Variants in ERC1 observed in about 807,000 individuals in gnomAD.
The protein encoded by ERC1 is RAB6 interacting protein 2.
A neutral mutation model predicts 132.0 loss-of-function variants in ERC1; 56 were observed. The ratio of observed to expected loss-of-function variants is 0.42; its 90% CI spans 0.34 to 0.53. The LOEUF (loss-of-function observed/expected upper bound fraction) is 0.53, where lower values mean the gene tolerates loss of function less well. ERC1 is among the 20% of genes least tolerant of loss of function. ERC1 has a pLI of 0.03. For synonymous variants in ERC1, 478 were observed against 476.1 expected (o/e 1.00, Z -0.05); for missense variants, 1,202 against 1,349.9 (o/e 0.89, Z 1.72).
At chr12:1,344,893 A>G (rs547840371) in intron 15 of ERC1, among the ~76,000 whole-genome samples, 1 of 152,324 alleles carries the variant, frequency 6.6e-6, no homozygotes, top group Admixed American at 6.5e-5. Flanking sequence ...TCCAGAACAC[A>G]TGCTTTTTCT....
intron 8 of ERC1, among the ~76,000 whole-genome samples, chr12:1,162,911 T>C (rs1407842922): frequency 6.6e-6 from 1 of 152,204 alleles, no homozygotes; most frequent in African/African-American, 2.4e-5. Flanking sequence ...CCTTTACTTA[T>C]AATTGTCTAA....
At chr12:1,179,500 CTTTTT>C (rs58317880) in intron 8 of ERC1, among the ~76,000 whole-genome samples, 1,922 of 95,600 alleles carry the variant, frequency 0.02, 8 homozygotes, top group African/African-American at 0.046. Context: ...ATTCATTTTT[CTTTTT>C]TTTTTTTTTT....
At chr12:1,450,026 G>A (rs2093390645) in intron 18 of ERC1, among the ~76,000 whole-genome samples, 1 of 152,122 alleles carries the variant, frequency 6.6e-6, no homozygotes, top group South Asian at 2.1e-4. Flanking sequence ...ATTGGAATCT[G>A]CCAATAGTAT....
chr12:1,116,253 C>A, intron 7 of ERC1: 1 of 404,780 alleles, frequency 2.5e-6, no homozygotes. Context: ...GTTTTTAATT[C>A]TTTAAACTTT....
chr12:1,286,416 A>G (rs2079050068), intron 14 of ERC1, among the ~76,000 whole-genome samples: 1 of 152,208 alleles, frequency 6.6e-6, no homozygotes, highest in Non-Finnish European at 1.5e-5. Flanking sequence ...TAATTTTCAA[A>G]AATTCTTAAC....
intron 12 of ERC1, among the ~76,000 whole-genome samples, chr12:1,220,970 G>A (rs1163760662): frequency 3.3e-5 from 5 of 152,184 alleles, no homozygotes; most frequent in Non-Finnish European, 7.3e-5. Flanking sequence ...TGCCTTTGCA[G>A]TGGAGCCTTT....
chr12:1,258,712 T>A (rs2076960787), intron 13 of ERC1, among the ~76,000 whole-genome samples: 1 of 151,850 alleles, frequency 6.6e-6, no homozygotes, highest in South Asian at 2.1e-4. Flanking sequence ...TTAAAAAATG[T>A]TGTTATTTAG....
At chr12:1,409,511 GAGAT>G (rs1289387278) in intron 17 of ERC1, among the ~76,000 whole-genome samples, 4 of 152,130 alleles carry the variant, frequency 2.6e-5, no homozygotes, top group African/African-American at 9.7e-5. Flanking sequence ...ATCCAGCCCT[GAGAT>G]AGAGATAGCA....
At chr12:1,387,904 G>T (rs56168743) in intron 16 of ERC1, among the ~76,000 whole-genome samples, 44,947 of 152,114 alleles carry the variant, frequency 0.3, 6,858 homozygotes, top group Middle Eastern at 0.35. Flanking sequence ...TGCCCCTGAA[G>T]GTATTAGGGT....
chr12:1,440,076 A>G (rs1000432158), intron 17 of ERC1, among the ~76,000 whole-genome samples: 10 of 152,220 alleles, frequency 6.6e-5, no homozygotes, highest in Admixed American at 6.5e-4. Flanking sequence ...ACCTCTATAC[A>G]ATGTAAATGA....
chr12:1,370,612 A>G (rs2087111825), intron 15 of ERC1, among the ~76,000 whole-genome samples: 1 of 152,272 alleles, frequency 6.6e-6, no homozygotes, highest in Non-Finnish European at 1.5e-5. Flanking sequence ...GATTATTCTT[A>G]AAGTAACTGT....
intron 2 of ERC1, among the ~76,000 whole-genome samples, chr12:1,054,917 T>A (rs979559864): frequency 1.1e-4 from 17 of 152,168 alleles, no homozygotes; most frequent in African/African-American, 3.6e-4. Flanking sequence ...AGGAGCAGAA[T>A]TCTAGAGTAT....
intron 17 of ERC1, among the ~76,000 whole-genome samples, chr12:1,424,899 T>TAGAC (rs1297816842): frequency 4.0e-5 from 6 of 148,998 alleles, no homozygotes; most frequent in African/African-American, 1.5e-4. Flanking sequence ...GATAGATAGA[T>TAGAC]AGATAGATAG....
chr12:1,315,711 T>TAG (rs1235050768), intron 15 of ERC1, among the ~76,000 whole-genome samples: 1 of 151,524 alleles, frequency 6.6e-6, no homozygotes, highest in Non-Finnish European at 1.5e-5. Context: ...AATGGCACAT[T>TAG]AGAGAGAGAG....
intron 12 of ERC1, among the ~76,000 whole-genome samples, chr12:1,210,166 G>A (rs528353156): frequency 2.6e-5 from 4 of 152,290 alleles, no homozygotes; most frequent in African/African-American, 7.2e-5. Context: ...TGGCTTCTTG[G>A]GTATGGCTTA....
chr12:1,323,176 TGCAATGTCTAAA>T (rs79006671), intron 15 of ERC1, among the ~76,000 whole-genome samples: 5,265 of 151,192 alleles, frequency 0.035, 98 homozygotes, highest in Middle Eastern at 0.075. Context: ...GACGTAAGTG[TGCAATGTCTAAA>T]GCCCGAATAA....
intron 8 of ERC1, among the ~76,000 whole-genome samples, chr12:1,178,498 G>A (rs1953993801): frequency 6.6e-6 from 1 of 152,080 alleles, no homozygotes; most frequent in Non-Finnish European, 1.5e-5. Context: ...GATAGATAGA[G>A]GAATGGAGAT....
chr12:1,097,252 G>A (rs933930382), intron 3 of ERC1, among the ~76,000 whole-genome samples: 6 of 152,086 alleles, frequency 3.9e-5, no homozygotes, highest in Admixed American at 2.0e-4. Context: ...GTGGTATGAT[G>A]GACATTTTGG....
At chr12:1,242,581 C>CT (rs1469352151) in intron 13 of ERC1, among the ~76,000 whole-genome samples, 1 of 152,124 alleles carries the variant, frequency 6.6e-6, no homozygotes, top group Non-Finnish European at 1.5e-5. Context: ...AATAACCTTT[C>CT]TTCTTATGAA....
Sources: allele counts gnomAD v4.1 joint callset (sites outside exome capture counted in the v4.1 genomes callset), GRCh38; gene constraint gnomAD v4.1.1; transcripts MANE v1.5; gene names NCBI Gene and HGNC (gene_info 2026-07-23, HGNC 2026-07-21).